EML5: variants seen among roughly 807,000 people sequenced by gnomAD.
The protein encoded by EML5 is EMAP like 5, also known as echinoderm microtubule-associated protein-like 5.
EML5 carries 120 observed loss-of-function variants against 250.0 expected under a neutral mutation model. The ratio of observed to expected loss-of-function variants is 0.48; its 90% CI spans 0.41 to 0.56. EML5 has a LOEUF of 0.56. Among genes scored for constraint, EML5 ranks in the 20% least tolerant of loss-of-function variants. The pLI is 0.00. For synonymous variants in EML5, 771 were observed against 806.5 expected (o/e 0.96, Z 0.75); for missense variants, 2,006 against 2,437.6 (o/e 0.82, Z 3.73).
At chr14:88,724,307 ATG>A in intron 8 of EML5, among the ~76,000 whole-genome samples, 1 of 151,772 alleles carries the variant, frequency 6.6e-6, no homozygotes, top group African/African-American at 2.4e-5. Flanking sequence ...ATGTTCAGTA[ATG>A]AATCCTGCTT....
At position 88,618,828 on chromosome 14, in the gene EML5, A is replaced by G. The variant is rs1452284083; in HGVS notation, c.5376-16T>C. 6.4e-7 allele frequency: 1 copy of G among 1,558,460 alleles called. No individual in the cohort carries two copies. The highest frequency in any genetic ancestry group is 8.7e-7 in the Non-Finnish European group (1 of 1,151,590). On this transcript the variant is annotated splice_polypyrimidine_tract_variant and intron_variant, in intron 39 of 43. Coordinates refer to ENST00000554922, the MANE Select transcript of EML5 (RefSeq NM_183387.3). ...CGGACTAAATCTGAATCAAAACAAA[A>G]CGTAAAAAGTATTAGACCACATGAA...
At chr14:88,717,972 C>T (rs2093527828) in intron 8 of EML5, among the ~76,000 whole-genome samples, 1 of 152,130 alleles carries the variant, frequency 6.6e-6, no homozygotes, top group Admixed American at 6.5e-5. Flanking sequence ...TATTCACAAA[C>T]CTTAATTAAA....
chr14:88,737,011 T>A (rs989971632), intron 6 of EML5, among the ~76,000 whole-genome samples: 1 of 152,134 alleles, frequency 6.6e-6, no homozygotes, highest in Non-Finnish European at 1.5e-5. Flanking sequence ...CTTCACCCCA[T>A]CTCGGGTACC....
chr14:88,685,633 T>C (rs2092815358), intron 19 of EML5, among the ~76,000 whole-genome samples: 1 of 151,936 alleles, frequency 6.6e-6, no homozygotes, highest in Non-Finnish European at 1.5e-5. Context: ...TTTTTTTCAG[T>C]AGGGTGGGGT....
chr14:88,740,558 A>G lies in EML5; in HGVS notation c.540T>C (p.Cys180=), dbSNP rs750795896. 1 of 1,607,858 alleles carries G rather than the reference A, an allele frequency of 6.2e-7. No individual in the cohort carries two copies. Among genetic ancestry groups the G allele is most frequent in the Non-Finnish European group, 8.5e-7 (1 of 1,177,706 alleles). ...GVKHIKFWSL[C]GNALTPKRGV... Reference sequence around the variant, plus strand: ...CTCGTTTTGGGGTCAGAGCATTTCCACATAAACTCCAGAACTAAAAGGTAT... The same window carrying G: ...CTCGTTTTGGGGTCAGAGCATTTCCGCATAAACTCCAGAACTAAAAGGTAT... The change falls in exon 5 of 44, where the codon TGT becomes TGC. Residue 180 remains cysteine (C), a synonymous_variant. Coordinates refer to ENST00000554922, the MANE Select transcript of EML5 (RefSeq NM_183387.3).
At chr14:88,704,628 T>C (rs536923030) in intron 13 of EML5, among the ~76,000 whole-genome samples, 1 of 152,336 alleles carries the variant, frequency 6.6e-6, no homozygotes, top group East Asian at 1.9e-4. Flanking sequence ...CCCAACAATG[T>C]CCTTTATAAT....
chr14:88,647,721 A>G (rs1363213989), intron 28 of EML5, among the ~76,000 whole-genome samples: 1 of 149,114 alleles, frequency 6.7e-6, no homozygotes, highest in Non-Finnish European at 1.5e-5. Flanking sequence ...GGGTTACTCC[A>G]TTAATTAATA....
chr14:88,743,977 G>T (rs761459280), intron 4 of EML5, 46 bp downstream of exon 4: 2 of 1,316,180 alleles, frequency 1.5e-6, no homozygotes, highest in Non-Finnish European at 1.0e-6. Context: ...ATACTTAGCA[G>T]CAGAGAACTA....
At chr14:88,691,224 T>C (rs1186344695) in intron 17 of EML5, among the ~76,000 whole-genome samples, 1 of 152,114 alleles carries the variant, frequency 6.6e-6, no homozygotes, top group African/African-American at 2.4e-5. Context: ...GTAGTGAAGC[T>C]CACTACAGTT....
chr14:88,630,068 T>C (rs2090351452), intron 33 of EML5, among the ~76,000 whole-genome samples: 1 of 147,988 alleles, frequency 6.8e-6, no homozygotes, highest in African/African-American at 2.5e-5. Flanking sequence ...TTCGCTCTTG[T>C]TGCCCAGGCT....
intron 43 of EML5, 52 bp from the exon 44 acceptor site, chr14:88,615,906 A>C: frequency 1.9e-6 from 3 of 1,567,534 alleles, no homozygotes; most frequent in Non-Finnish European, 1.7e-6. Flanking sequence ...TTAGATTTTC[A>C]TAACAGTTTA....
At chr14:88,741,962 T>G (rs1218369990) in intron 4 of EML5, among the ~76,000 whole-genome samples, 1 of 152,180 alleles carries the variant, frequency 6.6e-6, no homozygotes, top group East Asian at 1.9e-4. Context: ...ACTTAAAATC[T>G]CCATAATTTG....
intron 2 of EML5, among the ~76,000 whole-genome samples, chr14:88,750,745 A>T (rs1483520187): frequency 6.6e-6 from 1 of 152,194 alleles, no homozygotes; most frequent in Non-Finnish European, 1.5e-5. Flanking sequence ...CCATCAAATC[A>T]AGCTAGCAGA....
chr14:88,655,616 AT>A (rs2091839509), intron 27 of EML5, among the ~76,000 whole-genome samples: 1 of 152,216 alleles, frequency 6.6e-6, no homozygotes, highest in African/African-American at 2.4e-5. Flanking sequence ...AAAAGCAAAA[AT>A]TGACAAATGG....
chr14:88,638,365 CAACA>C (rs1159957718), intron 32 of EML5, among the ~76,000 whole-genome samples: 4 of 152,182 alleles, frequency 2.6e-5, no homozygotes, highest in African/African-American at 7.2e-5. Flanking sequence ...GATTTACCAA[CAACA>C]AACAGACTTG....
intron 42 of EML5, 89 bp downstream of exon 42, chr14:88,616,637 A>C (rs1311460704): frequency 1.5e-6 from 2 of 1,312,922 alleles, no homozygotes; most frequent in South Asian, 1.7e-5. Flanking sequence ...AATTAGGACA[A>C]AACATTTTAA....
chr14:88,785,973 C>T (rs1566803295), intron 1 of EML5, among the ~76,000 whole-genome samples: 1 of 152,206 alleles, frequency 6.6e-6, no homozygotes, highest in African/African-American at 2.4e-5. Flanking sequence ...AAATCTGCCC[C>T]CACCACCATA....
At chr14:88,668,661 G>A (rs2141018790) in intron 21 of EML5, among the ~76,000 whole-genome samples, 1 of 152,254 alleles carries the variant, frequency 6.6e-6, no homozygotes, top group East Asian at 1.9e-4. Flanking sequence ...GAATAGTAGT[G>A]AGGTCAATTA....
At chr14:88,765,895 C>T (rs1347669174) in intron 1 of EML5, among the ~76,000 whole-genome samples, 5 of 152,310 alleles carry the variant, frequency 3.3e-5, no homozygotes, top group South Asian at 4.1e-4. Context: ...GGACCCCGAA[C>T]GGAGGGACCG....
Sources: allele counts gnomAD v4.1 joint callset (sites outside exome capture counted in the v4.1 genomes callset), GRCh38; gene constraint gnomAD v4.1.1; transcripts MANE v1.5; gene names NCBI Gene and HGNC (gene_info 2026-07-23, HGNC 2026-07-21).